The following NAALADL2 variants were observed in gnomAD, a reference collection of about 807,000 sequenced individuals.
NAALADL2 encodes the protein inactive N-acetylated-alpha-linked acidic dipeptidase-like protein 2.
Under a neutral mutation model 87.2 loss-of-function variants are expected in NAALADL2, and 76 were observed. The observed-to-expected ratio is 0.87, with a 90% confidence interval of 0.72 to 1.05. The LOEUF is 1.05. Among genes scored for constraint, NAALADL2 ranks in the 50% least tolerant of loss-of-function variants. NAALADL2 has a pLI of 0.00. For missense variants in NAALADL2, 1,089 were observed against 945.8 expected (o/e 1.15, Z -1.99); for synonymous variants, 354 against 331.0 (o/e 1.07, Z -0.75).
intron 2 of NAALADL2, among the ~76,000 whole-genome samples, chr3:174,703,824 T>C (rs1416913111): frequency 6.6e-6 from 1 of 152,184 alleles, no homozygotes; most frequent in African/African-American, 2.4e-5. Context: ...CTTAGAATTT[T>C]ACTTTTTCTT....
intron 11 of NAALADL2, among the ~76,000 whole-genome samples, chr3:175,734,092 G>A (rs757569211): frequency 2.0e-4 from 31 of 152,260 alleles, no homozygotes; most frequent in Non-Finnish European, 3.7e-4. Context: ...GTCTGAGGAC[G>A]GTGGCGTGGC....
intron 1 of NAALADL2, among the ~76,000 whole-genome samples, chr3:174,990,744 CA>C (rs775169224): frequency 2.0e-4 from 30 of 152,106 alleles, no homozygotes; most frequent in Non-Finnish European, 1.0e-4. Flanking sequence ...ACTCTCTGCA[CA>C]TTTGAATCAC....
intron 4 of NAALADL2, among the ~76,000 whole-genome samples, chr3:175,268,472 T>C (rs1245956520): frequency 6.6e-6 from 1 of 152,056 alleles, no homozygotes; most frequent in African/African-American, 2.4e-5. Context: ...ACTGTAGACT[T>C]TATAAACACT....
intron 10 of NAALADL2, among the ~76,000 whole-genome samples, chr3:175,589,075 T>C (rs1345654773): frequency 6.6e-6 from 1 of 152,176 alleles, no homozygotes; most frequent in East Asian, 1.9e-4. Context: ...AGAATTTATG[T>C]GTTTGAATCT....
chr3:174,501,428 T>G (rs559274599), intron 1 of NAALADL2, among the ~76,000 whole-genome samples: 1 of 152,278 alleles, frequency 6.6e-6, no homozygotes, highest in South Asian at 2.1e-4. Flanking sequence ...CCACATAGAA[T>G]GTTGGGAAAT....
intron 2 of NAALADL2, among the ~76,000 whole-genome samples, chr3:175,105,302 C>T (rs935321217): frequency 1.3e-5 from 2 of 152,162 alleles, no homozygotes; most frequent in South Asian, 2.1e-4. Context: ...CATGTAGGCT[C>T]TCAGTAAGTC....
intron 6 of NAALADL2, among the ~76,000 whole-genome samples, chr3:175,450,033 C>T (rs1721320739): frequency 6.6e-6 from 1 of 152,102 alleles, no homozygotes; most frequent in African/African-American, 2.4e-5. Context: ...ATTGAACAGT[C>T]TCACTGAGTC....
rs550864879 is a variant in NAALADL2, at chr3:174,481,147, T to G, written c.-184+40115T>G. On this transcript the variant is annotated intron_variant, in intron 1 of 3. Transcript: ENST00000434257. ...CAAAAGGCAGATAGAAGGAAGAGAT[T>G]ATAGGGAAGTTTAGTAGGTAAACTT... 1.0e-3 allele frequency among the ~76,000 whole-genome samples: 158 copies of G among 152,136 alleles called. 1 individual carries two copies. The highest frequency in any genetic ancestry group is 1.6e-3 in the Non-Finnish European group (111 of 67,980).
chr3:175,645,986 A>C (rs1406164730), intron 11 of NAALADL2, among the ~76,000 whole-genome samples: 1 of 152,172 alleles, frequency 6.6e-6, no homozygotes, highest in Non-Finnish European at 1.5e-5. Flanking sequence ...TTAAAACAGT[A>C]GGAGAAACAT....
At chr3:175,346,526 T>C (rs961958689) in intron 5 of NAALADL2, among the ~76,000 whole-genome samples, 1 of 152,182 alleles carries the variant, frequency 6.6e-6, no homozygotes. Flanking sequence ...AGATGCCCAG[T>C]GAAAATTAGG....
In NAALADL2 at chr3:175,217,663, C is replaced by T. The variant is rs139253817; in HGVS notation, c.546-16268C>T. ...ATTAGGGCTGTGAAAAAAGCAATGGCTGACTATAAGAAATATCAAAGCTCT... is the reference window on the plus strand; with the variant it reads ...ATTAGGGCTGTGAAAAAAGCAATGGTTGACTATAAGAAATATCAAAGCTCT... On this transcript the variant is annotated intron_variant, in intron 2 of 13. Coordinates refer to ENST00000454872, the MANE Select transcript of NAALADL2 (RefSeq NM_207015.3). Among the ~76,000 whole-genome samples the T allele has an allele frequency of 1.8e-3, 276 of 152,324 alleles. 1 individual carries two copies. Among genetic ancestry groups the T allele is most frequent in the African/African-American group, 6.4e-3 (264 of 41,572 alleles).
At chr3:174,948,748 A>C (rs190951021) in intron 1 of NAALADL2, among the ~76,000 whole-genome samples, 1 of 152,208 alleles carries the variant, frequency 6.6e-6, no homozygotes, top group East Asian at 1.9e-4. Flanking sequence ...GGAATCATCT[A>C]GGGCTGTCTG....
chr3:175,420,126 T>A (rs1168179344), intron 5 of NAALADL2, among the ~76,000 whole-genome samples: 1 of 152,030 alleles, frequency 6.6e-6, no homozygotes, highest in African/African-American at 2.4e-5. Context: ...AATATACAGA[T>A]GCCCGCAGTT....
chr3:175,276,218 A>G (rs142951326), intron 4 of NAALADL2, among the ~76,000 whole-genome samples: 5 of 151,998 alleles, frequency 3.3e-5, no homozygotes, highest in African/African-American at 1.2e-4. Context: ...AGTTTATTCA[A>G]CTCTGAAGGT....
intron 3 of NAALADL2, among the ~76,000 whole-genome samples, chr3:175,249,269 A>T (rs1581115085): frequency 6.6e-6 from 1 of 152,126 alleles, no homozygotes; most frequent in Non-Finnish European, 1.5e-5. Context: ...ATTTTTTGTA[A>T]GTTAAAATTC....
intron 1 of NAALADL2, among the ~76,000 whole-genome samples, chr3:174,484,823 T>G (rs1259497481): frequency 7.7e-6 from 1 of 129,996 alleles, no homozygotes; most frequent in Non-Finnish European, 1.6e-5. Context: ...TGATTTACAT[T>G]ATGGTATAGC....
At chr3:175,750,905 CAT>C (rs952177958) in intron 12 of NAALADL2, among the ~76,000 whole-genome samples, 5 of 152,114 alleles carry the variant, frequency 3.3e-5, no homozygotes, top group African/African-American at 9.6e-5. Context: ...TTTAGAATAA[CAT>C]ATAAAAAAGG....
At chr3:174,844,126 CT>C (rs1448225507) in intron 3 of NAALADL2, among the ~76,000 whole-genome samples, 5 of 152,162 alleles carry the variant, frequency 3.3e-5, no homozygotes, top group African/African-American at 1.2e-4. Flanking sequence ...CCTATGTTTC[CT>C]TCTAGTAGTT....
chr3:175,770,464 G>T (rs994462897), intron 13 of NAALADL2, among the ~76,000 whole-genome samples: 6 of 152,170 alleles, frequency 3.9e-5, no homozygotes, highest in Admixed American at 3.3e-4. Context: ...TGAGAAGAAG[G>T]TCTGTTTGTG....
Sources: gnomAD v4.1 joint callset for allele counts (sites outside exome capture counted in the v4.1 genomes callset) on GRCh38, gnomAD v4.1.1 for gene constraint, MANE v1.5 for transcripts, NCBI Gene and HGNC (gene_info 2026-07-23, HGNC 2026-07-21) for gene names.